Variants in KMT2A observed in about 807,000 individuals in gnomAD.
The protein encoded by KMT2A is lysine methyltransferase 2A.
In KMT2A, 16 loss-of-function variants were observed where a neutral mutation model predicts 345.3. The observed-to-expected ratio is 0.05, with a 90% CI of 0.03 to 0.07. The LOEUF is 0.07. KMT2A is among the 10% of genes least tolerant of loss of function. The pLI is 1.00. For synonymous variants in KMT2A, 1,599 were observed against 1,778.6 expected, an observed-to-expected ratio of 0.90 and a Z score of 2.54; for missense variants, 3,272 against 4,841.6, an observed-to-expected ratio of 0.68 and a Z score of 9.62.
At chr11:118,513,691 T>A (rs1950738337) in intron 31 of KMT2A, among the ~76,000 whole-genome samples, 2 of 151,974 alleles carry the variant, frequency 1.3e-5, no homozygotes, top group Admixed American at 1.3e-4. Context: ...ACACCTGAAT[T>A]CCAACATCTT....
rs1555046485 is a variant in KMT2A at position 118,503,171 on chromosome 11, G to A, written c.7279G>A (p.Asp2427Asn). Residue 2427 changes from aspartate (D) to asparagine (N), a missense_variant, in exon 27 of 36, where the codon GAT becomes AAT. By Grantham distance (23) the Asp-to-Asn change is conservative. Transcript: ENST00000534358. The surrounding 1 kb of genome is among the most constrained non-coding windows in gnomAD (Gnocchi z 5.3). ...INEHMGSSSR[D>N]RRQKGKKSCK... ...CGAACATATGGGATCTAGTTCCAGA[G>A]ATAGGAGACAGAAAGGGAAAAAATC... is the stretch of plus-strand genomic sequence containing the variant. The A allele has an allele frequency of 6.2e-6, 10 of 1,614,030 alleles. No homozygotes were observed. The highest frequency in any genetic ancestry group is 2.2e-5 in the East Asian group (1 of 44,882).
intron 1 of KMT2A, among the ~76,000 whole-genome samples, chr11:118,442,501 T>A (rs2134172733): frequency 6.6e-6 from 1 of 152,324 alleles, no homozygotes; most frequent in South Asian, 2.1e-4. Context: ...GAGTAAAATA[T>A]TGTCGTGGAG....
intron 1 of KMT2A, among the ~76,000 whole-genome samples, chr11:118,445,952 T>C (rs1448902631): frequency 6.6e-6 from 1 of 151,714 alleles, no homozygotes; most frequent in Non-Finnish European, 1.5e-5. Flanking sequence ...TGCAGTAAGC[T>C]GAGATTCCGC....
At chr11:118,470,385 C>G (rs1949922980) in intron 2 of KMT2A, among the ~76,000 whole-genome samples, 2 of 152,106 alleles carry the variant, frequency 1.3e-5, no homozygotes, top group Admixed American at 6.6e-5. Flanking sequence ...TAATTCACAA[C>G]TTTTTCATGG....
At chr11:118,519,093 A>AG (rs1462172961) in intron 31 of KMT2A, among the ~76,000 whole-genome samples, 85 of 151,318 alleles carry the variant, frequency 5.6e-4, no homozygotes, top group Non-Finnish European at 1.1e-3. Context: ...AAAAAAAAAA[A>AG]AAAAAAGAAA....
intron 8 of KMT2A, among the ~76,000 whole-genome samples, chr11:118,483,504 G>A (rs1740006692): frequency 1.3e-5 from 2 of 152,204 alleles, no homozygotes; most frequent in Non-Finnish European, 2.9e-5. Context: ...CTGCACTCCA[G>A]CTTGGGTGAC....
chr11:118,504,942 A>G lies in KMT2A; in HGVS notation c.9050A>G (p.Gln3017Arg). ...AGCCCTCCTTGTGGTTCAGTAGAGC[A>G]AGGTCATGGCAACAATCAGGATTTA... ...ISSPPCGSVE[Q>R]GHGNNQDLTR... Residue 3017 changes from glutamine to arginine, a missense_variant, in exon 27 of 36, where the codon CAA becomes CGA. Physicochemically the swap from Gln to Arg is conservative, Grantham distance 43. Transcript: ENST00000534358. This position sits in a 1 kb window ranked among gnomAD's most constrained non-coding sequence, Gnocchi z 6.4. The G allele has an allele frequency of 6.2e-7, 1 of 1,614,176 alleles. No homozygotes were observed.
At chr11:118,482,528 A>G in intron 8 of KMT2A, 33 bp downstream of exon 8, 2 of 1,445,234 alleles carry the variant, frequency 1.4e-6, no homozygotes, top group African/African-American at 2.8e-5. Context: ...GCCATTTCTC[A>G]GGGATGTATT....
Position 118,498,907 on chromosome 11 carries a change from G to T in KMT2A, c.5961+379G>T, listed in dbSNP as rs1950453811. On this transcript the variant is annotated intron_variant, in intron 22 of 35. Transcript: ENST00000534358. The surrounding 1 kb of genome is among the most constrained non-coding windows in gnomAD (Gnocchi z 4.4). ...TCATCCCTGCCTCTCCCCAACCCTG[G>T]GCAACCACTGATGTTTTTACTATCT... Among the ~76,000 whole-genome samples the T allele has an allele frequency of 6.6e-6, 1 of 151,970 alleles. No homozygotes were observed. The highest frequency in any genetic ancestry group is 1.5e-5 in the Non-Finnish European group (1 of 67,988).
intron 1 of KMT2A, among the ~76,000 whole-genome samples, chr11:118,463,434 T>C (rs1370187010): frequency 1.3e-5 from 2 of 152,218 alleles, no homozygotes; most frequent in African/African-American, 2.4e-5. Flanking sequence ...CTTTGTGAAA[T>C]GCATAGATTA....
intron 1 of KMT2A, among the ~76,000 whole-genome samples, chr11:118,464,539 C>CAAAA (rs35564663): frequency 1.5e-5 from 1 of 65,050 alleles, no homozygotes; most frequent in African/African-American, 5.5e-5. Flanking sequence ...AACTCTGTCT[C>CAAAA]AAAAAAAAAA....
chr11:118,484,914 C>T lies in KMT2A; in HGVS notation c.4271C>T (p.Thr1424Ile), dbSNP rs1194975412. Residue 1424 changes from threonine (T) to isoleucine (I), a missense_variant, in exon 10 of 36, where the codon ACT (threonine) becomes ATT (isoleucine). Thr to Ile is a moderately conservative substitution (Grantham distance 89). This residue lies in a region of KMT2A where 120 missense variants were observed against 280.4 expected (regional missense o/e 0.43). Transcript: ENST00000534358. This position sits in a 1 kb window ranked among gnomAD's most constrained non-coding sequence, Gnocchi z 4.1. The part of the protein sequence containing the change: ...VWEMGGLGIL[T>I]SVPITPRVVC... ...GAGATGGGAGGCTTAGGAATCTTGA[C>T]TTCTGTTCCTATAACACCCAGGGTG... The T allele has an allele frequency of 6.2e-7, 1 of 1,614,040 alleles. No homozygotes were observed. Among genetic ancestry groups the T allele is most frequent in the Non-Finnish European group, 8.5e-7 (1 of 1,179,954 alleles).
chr11:118,482,637 C>T (rs1555039675), intron 8 of KMT2A, 142 bp downstream of exon 8: 11 of 583,138 alleles, frequency 1.9e-5, no homozygotes, highest in Admixed American at 9.1e-5. Flanking sequence ...TAGCTGGGCA[C>T]GGTGGCTCAC....
At position 118,473,071 on chromosome 11, in the gene KMT2A, G is replaced by A. The variant is rs1949971448; in HGVS notation, c.1912G>A (p.Ala638Thr). 2 of 1,614,148 alleles carry A rather than the reference G, an allele frequency of 1.2e-6. No homozygotes were observed. Among genetic ancestry groups the A allele is most frequent in the Middle Eastern group, 1.6e-4 (1 of 6,062 alleles). The change falls in exon 3 of 36, where the codon GCC becomes ACC. Residue 638 changes from alanine to threonine, a missense_variant. Physicochemically the swap from Ala to Thr is moderately conservative, Grantham distance 58 (BLOSUM62 0). Transcript: ENST00000534358. This position sits in a 1 kb window ranked among gnomAD's most constrained non-coding sequence, Gnocchi z 5.2. ...ACAATACTTTTCCTCAGCAAAGTAT[G>A]CCAAAGAAGGTCTTATTCGCAAACC... ...EPQYFSSAKY[A>T]KEGLIRKPIF...
At chr11:118,457,958 C>A (rs539226576) in intron 1 of KMT2A, among the ~76,000 whole-genome samples, 2 of 152,046 alleles carry the variant, frequency 1.3e-5, no homozygotes, top group Admixed American at 6.6e-5. Flanking sequence ...GTTTTCATAC[C>A]GTAGCCTAGG....
chr11:118,486,118 A>C (rs1191391161), intron 10 of KMT2A, among the ~76,000 whole-genome samples: 1 of 152,188 alleles, frequency 6.6e-6, no homozygotes, highest in African/African-American at 2.4e-5. Context: ...ATATAATGGC[A>C]AATATGAAGT....
chr11:118,458,820 G>A (rs951817187), intron 1 of KMT2A, among the ~76,000 whole-genome samples: 1 of 152,130 alleles, frequency 6.6e-6, no homozygotes, highest in African/African-American at 2.4e-5. Flanking sequence ...TAAACTTATC[G>A]CTGCCAAGAT....
intron 1 of KMT2A, among the ~76,000 whole-genome samples, chr11:118,464,539 CAAAAA>C (rs35564663): frequency 3.1e-5 from 2 of 65,050 alleles, no homozygotes; most frequent in African/African-American, 5.5e-5. Context: ...AACTCTGTCT[CAAAAA>C]AAAAAAAAAA....
chr11:118,507,339 G>C (rs1469835137), intron 27 of KMT2A, among the ~76,000 whole-genome samples, 190 bp from the exon 28 acceptor site: 2 of 152,086 alleles, frequency 1.3e-5, no homozygotes, highest in Admixed American at 6.5e-5. Context: ...ACCCACAAGG[G>C]TGTCTTCTCT....
Sources: gnomAD v4.1 joint callset for allele counts (sites outside exome capture counted in the v4.1 genomes callset) on GRCh38, gnomAD v4.1.1 for gene constraint, gnomAD v4.1.1 regional missense constraint, Gnocchi (gnomAD v3.1) non-coding constraint, MANE v1.5 for transcripts, NCBI Gene and HGNC (gene_info 2026-07-23, HGNC 2026-07-21) for gene names.